The following ITGAM variants were observed in gnomAD, a reference collection of about 807,000 sequenced individuals.
The protein encoded by ITGAM is integrin subunit alpha M, also known as integrin alpha-M.
ITGAM carries 79 observed loss-of-function variants against 137.5 expected under a neutral mutation model. That is an observed-to-expected ratio of 0.57 (90% CI 0.48 to 0.69). The LOEUF is 0.69. ITGAM is among the 30% of genes least tolerant of loss of function. The probability of loss-of-function intolerance (pLI) is 0.00; values close to 1 mark genes in which losing one functional copy is unlikely to be tolerated. For synonymous variants in ITGAM, 583 were observed against 592.3 expected (o/e 0.98, Z 0.23); for missense variants, 1,343 against 1,483.5 (o/e 0.91, Z 1.56).
Position 31,325,327 on chromosome 16 carries a change from G to A in ITGAM, c.2428G>A (p.Gly810Ser), listed in dbSNP as rs1314917795. 1 of 1,613,910 alleles carries A rather than the reference G, an allele frequency of 6.2e-7. No homozygotes were observed. Among genetic ancestry groups the A allele is most frequent in the Non-Finnish European group, 8.5e-7 (1 of 1,179,852 alleles). Residue 810 changes from glycine (G) to serine (S), a missense_variant, in exon 20 of 30, where the codon GGT (glycine) becomes AGT (serine). Physicochemically the swap from Gly to Ser is moderately conservative, Grantham distance 56. Coordinates refer to ENST00000544665, the MANE Select transcript of ITGAM (RefSeq NM_000632.4). Reference protein sequence around the residue: ...FNVTVTVRNDGEDSYRTQVTF... With the variant: ...FNVTVTVRNDSEDSYRTQVTF... ...CGTGACAGTGACTGTGAGAAATGAT[G>A]GTGAGGACTCCTACAGGACACAGGT...
At chr16:31,286,958 G>T (rs1180788034) in intron 12 of ITGAM, among the ~76,000 whole-genome samples, 2 of 152,178 alleles carry the variant, frequency 1.3e-5, no homozygotes, top group Admixed American at 1.3e-4. Context: ...TTTCTTCAAT[G>T]ATTTTAATAG....
Position 31,266,144 on chromosome 16 carries a change from C to T in ITGAM, c.424C>T (p.Arg142Ter), listed in dbSNP as rs777964824. The T allele has an allele frequency of 2.5e-6, 4 of 1,611,210 alleles. No individual in the cohort carries two copies. The highest frequency in any genetic ancestry group is 3.4e-6 in the Non-Finnish European group (4 of 1,177,784). ...QQPQKFPEAL[R>*]GCPQEDSDIA... is the part of the protein sequence containing the mutation. ...GCCCCAGAAGTTCCCAGAGGCCCTC[C>T]GAGGTGGGTTGCCTTTGGCAGAGGG... The change falls in exon 5 of 30, where the codon CGA becomes TGA. Residue 142 changes from arginine to a stop codon, truncating the protein, a stop_gained. Transcript: ENST00000544665. LOFTEE classifies it high-confidence loss of function.
intron 14 of ITGAM, among the ~76,000 whole-genome samples, chr16:31,308,649 C>T (rs2080290928): frequency 6.6e-6 from 1 of 152,206 alleles, no homozygotes; most frequent in Admixed American, 6.6e-5. Context: ...GTCTCTATTT[C>T]CTTCAGTTCT....
At chr16:31,325,895 G>A (rs1341126008) in intron 21 of ITGAM, among the ~76,000 whole-genome samples, 1 of 151,964 alleles carries the variant, frequency 6.6e-6, no homozygotes, top group African/African-American at 2.4e-5. Context: ...GCGAGACCCT[G>A]TCTCTACAAA....
Position 31,330,604 on chromosome 16 carries a change from A to G in ITGAM, c.3275A>G (p.Gln1092Arg). The change falls in exon 28 of 30, where the codon CAG (glutamine) becomes CGG (arginine). Residue 1092 changes from glutamine to arginine, a missense_variant and splice_region_variant. Coordinates refer to ENST00000544665, the MANE Select transcript of ITGAM (RefSeq NM_000632.4). The part of the protein sequence containing the change: ...LPGQGAFVRS[Q>R]TETKVEPFEV... ...GGACAGGGGGCGTTTGTGAGGTCCC[A>G]GGTACCTGTCTTGGGCGCTGAGGAA... is the stretch of plus-strand genomic sequence containing the variant. The G allele has an allele frequency of 1.2e-6, 2 of 1,603,410 alleles. No individual in the cohort carries two copies. The highest frequency in any genetic ancestry group is 8.5e-7 in the Non-Finnish European group (1 of 1,173,772).
chr16:31,313,488 C>T (rs529206234), intron 14 of ITGAM, among the ~76,000 whole-genome samples: 1 of 152,118 alleles, frequency 6.6e-6, no homozygotes, highest in Non-Finnish European at 1.5e-5. Context: ...GTTTGCTTTC[C>T]TGTTCCTGTG....
chr16:31,276,829 C>T lies in ITGAM; in HGVS notation c.1083+85C>T, dbSNP rs970065805. On this transcript the variant is annotated intron_variant, in intron 10 of 29. Coordinates refer to ENST00000544665, the MANE Select transcript of ITGAM (RefSeq NM_000632.4). ...GAGATGTGGGGGTTTGGGGACTCTT[C>T]TCTGTGATAGATACTTGGGAAGTAG... The T allele has an allele frequency of 2.5e-5, 39 of 1,581,676 alleles. No homozygotes were observed. In the Admixed American group the frequency reaches 3.2e-4, roughly 13 times the overall value.
chr16:31,326,476 G>C (rs2080509447), intron 21 of ITGAM, among the ~76,000 whole-genome samples: 1 of 152,098 alleles, frequency 6.6e-6, no homozygotes, highest in Non-Finnish European at 1.5e-5. Context: ...GAGTGCAGTG[G>C]TGCAATCTTG....
intron 14 of ITGAM, among the ~76,000 whole-genome samples, chr16:31,311,342 C>T (rs1467400890): frequency 6.6e-6 from 1 of 152,184 alleles, no homozygotes; most frequent in African/African-American, 2.4e-5. Context: ...TCAGAGTGAA[C>T]AGGCAACCTA....
chr16:31,328,791 CATGT>C (rs1475782834), intron 23 of ITGAM, among the ~76,000 whole-genome samples: 53 of 58,350 alleles, frequency 9.1e-4, no homozygotes, highest in Admixed American at 4.4e-3. Flanking sequence ...TGTATTTGTG[CATGT>C]GTGTGTGTGA....
chr16:31,273,270 TG>T, intron 7 of ITGAM, 94 bp from the exon 8 acceptor site: 1 of 1,109,060 alleles, frequency 9.0e-7, no homozygotes, highest in Non-Finnish European at 1.3e-6. Context: ...CACTCCAGCC[TG>T]GATAACAGAG....
At chr16:31,302,484 T>TTTCTTTC (rs374736924) in intron 14 of ITGAM, among the ~76,000 whole-genome samples, 16 of 98,386 alleles carry the variant, frequency 1.6e-4, no homozygotes, top group South Asian at 3.1e-4. Flanking sequence ...TCTTTCTTTC[T>TTTCTTTC]TTTTTCTTTC....
chr16:31,307,614 C>T (rs1184359012), intron 14 of ITGAM, among the ~76,000 whole-genome samples: 2 of 152,170 alleles, frequency 1.3e-5, no homozygotes, highest in Non-Finnish European at 2.9e-5. Context: ...TTGACTTCCT[C>T]TTTTCCTAAT....
intron 14 of ITGAM, among the ~76,000 whole-genome samples, chr16:31,307,619 C>T (rs553293807): frequency 6.6e-6 from 1 of 152,284 alleles, no homozygotes; most frequent in South Asian, 2.1e-4. Context: ...TTCCTCTTTT[C>T]CTAATCGAAT....
At position 31,330,444 on chromosome 16, in the gene ITGAM, G is replaced by C. The variant is rs950163407; in HGVS notation, c.3174+23G>C. ...AAGGTGTGTGGGGTCCTGAGGCTTC[G>C]CCGGGCACAGGCGTGGTGCTCAGGG... On this transcript the variant is annotated intron_variant, in intron 27 of 29. Coordinates refer to ENST00000544665, the MANE Select transcript of ITGAM (RefSeq NM_000632.4). 10 of 1,610,610 alleles carry C rather than the reference G, an allele frequency of 6.2e-6. No homozygotes were observed. The African/African-American group carries it at 1.3e-4, about 22-fold the overall frequency.
Position 31,327,595 on chromosome 16 carries a change from A to AAATAATAAT in ITGAM, c.2709-534_2709-526dup, listed in dbSNP as rs907618848. Among the ~76,000 whole-genome samples the AAATAATAAT allele has an allele frequency of 1.7e-3, 260 of 151,114 alleles. 2 individuals carry two copies. Among genetic ancestry groups the AAATAATAAT allele is most frequent in the African/African-American group, 6.1e-3 (250 of 40,972 alleles). ...GGCAATAGAGTGAGACCCAGTGTCAAAATAATAATAATAATAATAATAATA... is the reference window on the plus strand; with the variant it reads ...GGCAATAGAGTGAGACCCAGTGTCAAAATAATAATAATAATAATAATAATAATAATAATA... On this transcript the variant is annotated intron_variant, in intron 22 of 29. Coordinates refer to ENST00000544665, the MANE Select transcript of ITGAM (RefSeq NM_000632.4).
At chr16:31,291,663 A>G (rs1336729140) in intron 12 of ITGAM, among the ~76,000 whole-genome samples, 1 of 152,118 alleles carries the variant, frequency 6.6e-6, no homozygotes, top group Non-Finnish European at 1.5e-5. Flanking sequence ...GGAGGACATT[A>G]TGTTAAGTAA....
intron 6 of ITGAM, among the ~76,000 whole-genome samples, 166 bp downstream of exon 6, chr16:31,271,250 T>C (rs1175704158): frequency 6.6e-6 from 1 of 152,234 alleles, no homozygotes; most frequent in Non-Finnish European, 1.5e-5. Flanking sequence ...GGATGCAGCC[T>C]CAGCATTCTT....
intron 8 of ITGAM, among the ~76,000 whole-genome samples, chr16:31,273,945 C>T (rs1265128796): frequency 6.6e-6 from 1 of 152,186 alleles, no homozygotes; most frequent in Non-Finnish European, 1.5e-5. Context: ...TGGGCATGTC[C>T]TCATGGTGAA....
Sources: gnomAD v4.1 joint callset for allele counts (sites outside exome capture counted in the v4.1 genomes callset) on GRCh38, gnomAD v4.1.1 for gene constraint, MANE v1.5 for transcripts, NCBI Gene and HGNC (gene_info 2026-07-23, HGNC 2026-07-21) for gene names.